Variants in AP3B1 observed in about 807,000 individuals in gnomAD.
AP3B1 encodes the protein AP-3 complex subunit beta-1.
AP3B1 carries 61 observed loss-of-function variants against 132.5 expected under a neutral mutation model. The ratio of observed to expected loss-of-function variants is 0.46; its 90% CI spans 0.37 to 0.57. The LOEUF (loss-of-function observed/expected upper bound fraction) is 0.57, where lower values mean the gene tolerates loss of function less well. Ranked by LOEUF, AP3B1 falls within the 20% of genes least tolerant of loss-of-function variation. The pLI, the probability that AP3B1 is intolerant of heterozygous loss-of-function variation, is 0.00. For synonymous variants in AP3B1, 388 were observed against 438.3 expected, an observed-to-expected ratio of 0.89 and a Z score of 1.43; for missense variants, 1,120 against 1,289.4, an observed-to-expected ratio of 0.87 and a Z score of 2.01.
intron 7 of AP3B1, among the ~76,000 whole-genome samples, chr5:78,212,336 T>C (rs1745775534): frequency 6.6e-6 from 1 of 152,132 alleles, no homozygotes; most frequent in South Asian, 2.1e-4. Flanking sequence ...AGCCATTAAG[T>C]ATAAAGCATC....
At chr5:78,089,118 TGTG>T in intron 22 of AP3B1, 1 of 368,834 alleles carries the variant, frequency 2.7e-6, no homozygotes, top group Non-Finnish European at 5.1e-6. Flanking sequence ...ACTGCGTCAA[TGTG>T]GTGAAGAACC....
chr5:78,289,203 A>G (rs1749407344), intron 1 of AP3B1, among the ~76,000 whole-genome samples: 1 of 152,226 alleles, frequency 6.6e-6, no homozygotes, highest in Admixed American at 6.5e-5. Context: ...TAGTGGAGAT[A>G]AAGTCAGAGT....
intron 21 of AP3B1, among the ~76,000 whole-genome samples, chr5:78,095,145 T>A (rs540547502): frequency 6.6e-6 from 1 of 152,352 alleles, no homozygotes; most frequent in Admixed American, 6.5e-5. Context: ...CTTTGAGAGT[T>A]CCTTGGGTAG....
Position 78,181,588 on chromosome 5 carries a change from C to T in AP3B1, c.861G>A (p.Lys287=). The T allele has an allele frequency of 1.2e-6, 2 of 1,612,560 alleles. No individual in the cohort carries two copies. The highest frequency in any genetic ancestry group is 1.7e-6 in the Non-Finnish European group (2 of 1,179,350). The part of the protein sequence containing the change: ...DDDQKEKTDK[K]KKPYTMDPDH... ...CTGGATCCATAGTATACGGCTTCTT[C>T]TTTTTGTCAGTCTTTTCCTTCTGAT... is the stretch of plus-strand genomic sequence containing the variant. Residue 287 remains lysine, a synonymous_variant, in exon 8 of 27, where the codon AAG becomes AAA. Transcript: ENST00000255194.
At chr5:78,234,581 T>TTAACAACAGTTTCAA (rs1229633876) in intron 3 of AP3B1, among the ~76,000 whole-genome samples, 6 of 152,196 alleles carry the variant, frequency 3.9e-5, no homozygotes, top group Non-Finnish European at 5.9e-5. Flanking sequence ...CAGCAGTTGA[T>TTAACAACAGTTTCAA]TAACAACAGT....
rs1408579584 is a variant in AP3B1, at chr5:78,175,412, C to T, written c.1167+214G>A. Reference sequence around the variant, plus strand: ...CTCCTTCAGTAATCTGTGAGTTATTCAAGTTGTAGGTAGCATGGCTTAACT... The same window carrying T: ...CTCCTTCAGTAATCTGTGAGTTATTTAAGTTGTAGGTAGCATGGCTTAACT... On this transcript the variant is annotated intron_variant, in intron 11 of 26. Coordinates refer to ENST00000255194, the MANE Select transcript of AP3B1 (RefSeq NM_003664.5). Among the ~76,000 whole-genome samples the T allele has an allele frequency of 2.0e-5, 3 of 152,148 alleles. No homozygotes were observed. In the East Asian group the frequency reaches 5.8e-4, roughly 29 times the overall value.
intron 22 of AP3B1, among the ~76,000 whole-genome samples, chr5:78,064,904 G>A (rs1172641256): frequency 1.3e-5 from 2 of 152,150 alleles, no homozygotes; most frequent in Non-Finnish European, 2.9e-5. Flanking sequence ...ATTAACCAGT[G>A]GGGAGGGGCC....
intron 22 of AP3B1, among the ~76,000 whole-genome samples, chr5:78,085,537 T>C (rs1324576145): frequency 6.6e-6 from 1 of 152,204 alleles, no homozygotes; most frequent in Non-Finnish European, 1.5e-5. Flanking sequence ...CTCTTGTATT[T>C]CCTTATAAGC....
rs751369344 is a variant in AP3B1, at chr5:78,175,850, A to C, written c.1041-12T>G. 1 of 1,602,294 alleles carries C rather than the reference A, an allele frequency of 6.2e-7. No individual in the cohort carries two copies. The highest frequency in any genetic ancestry group is 1.1e-5 in the South Asian group (1 of 90,754). On this transcript the variant is annotated splice_polypyrimidine_tract_variant and intron_variant, in intron 9 of 26. Transcript: ENST00000255194. ...TATACTGCACCTCCCTAGAAATCAA[A>C]AGATAATTTTTACTGGGTATATGTT...
chr5:78,281,128 A>G (rs1749030952), intron 1 of AP3B1, among the ~76,000 whole-genome samples: 1 of 152,218 alleles, frequency 6.6e-6, no homozygotes, highest in Non-Finnish European at 1.5e-5. Flanking sequence ...ATTTTAAAGT[A>G]TGCTATCACT....
At chr5:78,163,117 G>T (rs1743456915) in intron 12 of AP3B1, among the ~76,000 whole-genome samples, 166 bp from the exon 13 acceptor site, 1 of 152,072 alleles carries the variant, frequency 6.6e-6, no homozygotes, top group Non-Finnish European at 1.5e-5. Context: ...ATTTTGTTTT[G>T]ATTTTTTTAC....
intron 7 of AP3B1, among the ~76,000 whole-genome samples, chr5:78,198,483 G>C (rs562187652): frequency 6.6e-6 from 1 of 152,252 alleles, no homozygotes; most frequent in South Asian, 2.1e-4. Flanking sequence ...TCATATGGTG[G>C]AAGAGAGGAA....
At chr5:78,236,097 A>T (rs138078560) in intron 3 of AP3B1, among the ~76,000 whole-genome samples, 69 of 152,314 alleles carry the variant, frequency 4.5e-4, no homozygotes, top group African/African-American at 1.6e-3. Flanking sequence ...AAACAAATAG[A>T]CCAATAATTA....
At chr5:78,079,608 A>C (rs536575732) in intron 22 of AP3B1, among the ~76,000 whole-genome samples, 1 of 152,300 alleles carries the variant, frequency 6.6e-6, no homozygotes, top group East Asian at 1.9e-4. Flanking sequence ...CAAAACCCGG[A>C]CTCAAGTATT....
At position 78,043,639 on chromosome 5, in the gene AP3B1, A is replaced by G; in HGVS notation, c.2578-4365T>C. 6.2e-6 allele frequency: 3 copies of G among 485,744 alleles called. No individual in the cohort carries two copies. In the Middle Eastern group the frequency reaches 1.0e-3, roughly 165 times the overall value. The allele number at this position is 485,744 out of a possible 1,614,324, so 30.1% of individuals were successfully genotyped here. On this transcript the variant is annotated intron_variant, in intron 22 of 26. Transcript: ENST00000255194. ...TGGTACCCCTGCCAATGGGCTCTCC[A>G]TGGTCAGCACATACAGTGAAGGAAC...
intron 24 of AP3B1, among the ~76,000 whole-genome samples, chr5:78,029,186 CTA>C (rs1273116098): frequency 6.6e-6 from 1 of 152,080 alleles, no homozygotes; most frequent in Admixed American, 6.5e-5. Context: ...TTAAAATATA[CTA>C]TGATTATGGC....
At chr5:78,089,595 T>G in intron 21 of AP3B1, 96 bp from the exon 22 acceptor site, 1 of 798,430 alleles carries the variant, frequency 1.3e-6, no homozygotes, top group Non-Finnish European at 2.2e-6. Context: ...CTAATTAAAT[T>G]ACTTTGATTA....
chr5:78,104,805 C>A (rs1017782994), intron 20 of AP3B1, among the ~76,000 whole-genome samples: 1 of 152,198 alleles, frequency 6.6e-6, no homozygotes, highest in South Asian at 2.1e-4. Context: ...AGTGACTGAT[C>A]GTTAGAGCAC....
intron 19 of AP3B1, 111 bp downstream of exon 19, chr5:78,113,641 A>G: frequency 7.9e-7 from 1 of 1,263,328 alleles, no homozygotes; most frequent in East Asian, 2.3e-5. Flanking sequence ...TATCTGGAAA[A>G]AAATACACAC....
Sources: allele counts gnomAD v4.1 joint callset (sites outside exome capture counted in the v4.1 genomes callset), GRCh38; gene constraint gnomAD v4.1.1; transcripts MANE v1.5; gene names NCBI Gene and HGNC (gene_info 2026-07-23, HGNC 2026-07-21).